NRXN2: variants seen among roughly 807,000 people sequenced by gnomAD.
The protein encoded by NRXN2 is neurexin 2.
In NRXN2, 29 loss-of-function variants were observed where a neutral mutation model predicts 128.8. That is an observed-to-expected ratio of 0.23 (90% CI 0.17 to 0.31). The LOEUF (loss-of-function observed/expected upper bound fraction) is 0.31. NRXN2 is among the 10% of genes least tolerant of loss of function. The probability of loss-of-function intolerance (pLI) is 1.00; values close to 1 mark genes in which losing one functional copy is unlikely to be tolerated. For synonymous variants in NRXN2, 1,098 were observed against 1,075.2 expected (o/e 1.02, Z -0.41); for missense variants, 1,881 against 2,452.6 (o/e 0.77, Z 4.92).
chr11:64,709,437 G>A (rs1672902703), intron 2 of NRXN2, among the ~76,000 whole-genome samples: 1 of 151,810 alleles, frequency 6.6e-6, no homozygotes, highest in African/African-American at 2.4e-5. Context: ...ATGAGCACAA[G>A]ATATTATAAA....
intron 7 of NRXN2, chr11:64,676,217 T>C (rs2051302045): frequency 6.6e-6 from 1 of 152,426 alleles, no homozygotes; most frequent in South Asian, 2.1e-4. Flanking sequence ...CTGGACGCTA[T>C]CCCTGGTCAG....
intron 22 of NRXN2, among the ~76,000 whole-genome samples, chr11:64,608,362 G>A (rs1182958575): frequency 6.6e-6 from 1 of 151,978 alleles, no homozygotes; most frequent in African/African-American, 2.4e-5. Context: ...AGAAAGGAAA[G>A]GAAATTGAAA....
chr11:64,654,138 C>A (rs547906063), intron 11 of NRXN2, among the ~76,000 whole-genome samples: 7 of 152,176 alleles, frequency 4.6e-5, no homozygotes, highest in Non-Finnish European at 1.0e-4. Context: ...AGAATCCCTG[C>A]ATCCCCTGCT....
At chr11:64,695,331 C>T (rs986436729) in intron 3 of NRXN2, among the ~76,000 whole-genome samples, 7 of 152,128 alleles carry the variant, frequency 4.6e-5, no homozygotes, top group African/African-American at 1.7e-4. Flanking sequence ...TCTCTTTGCC[C>T]TGCCACTAGA....
intron 11 of NRXN2, among the ~76,000 whole-genome samples, chr11:64,655,590 A>G (rs2048155177): frequency 2.0e-5 from 3 of 152,206 alleles, no homozygotes; most frequent in South Asian, 4.1e-4. Flanking sequence ...CAGGTCCCCT[A>G]CTGGGGAAAA....
chr11:64,608,274 G>A (rs1245950058), intron 22 of NRXN2, among the ~76,000 whole-genome samples, 192 bp from the exon 23 acceptor site: 2 of 152,148 alleles, frequency 1.3e-5, no homozygotes, highest in East Asian at 3.9e-4. Flanking sequence ...CGGCTCAGAT[G>A]CCCTGGGCAC....
At chr11:64,627,493 C>A (rs2043240491) in intron 19 of NRXN2, among the ~76,000 whole-genome samples, 1 of 152,038 alleles carries the variant, frequency 6.6e-6, no homozygotes, top group African/African-American at 2.4e-5. Flanking sequence ...TCATCTTGCT[C>A]ACCCTGCCAG....
At chr11:64,688,514 C>T (rs905940579) in intron 5 of NRXN2, 5 of 985,160 alleles carry the variant, frequency 5.1e-6, no homozygotes, top group African/African-American at 1.7e-5. Context: ...GTAGGGGCGG[C>T]GGAGGGGCTC....
At chr11:64,670,673 C>T (rs1261129353) in intron 7 of NRXN2, among the ~76,000 whole-genome samples, 1 of 152,188 alleles carries the variant, frequency 6.6e-6, no homozygotes, top group African/African-American at 2.4e-5. Flanking sequence ...CTAATCTGAA[C>T]ATAATCCAGG....
At chr11:64,712,634 C>A (rs2057042722) in intron 2 of NRXN2, 3 of 503,842 alleles carry the variant, frequency 6.0e-6, no homozygotes, top group African/African-American at 2.0e-5. Flanking sequence ...TTCACGAACG[C>A]CTCACAGACC....
In NRXN2 at chr11:64,714,921, C is replaced by A. The variant is rs1386858857; in HGVS notation, c.-244-978G>T. 2.0e-5 allele frequency among the ~76,000 whole-genome samples: 3 copies of A among 152,162 alleles called. No individual in the cohort carries two copies. Among genetic ancestry groups the A allele is most frequent in the Non-Finnish European group, 2.9e-5 (2 of 68,040 alleles). ...AGTCGTAATTATTTATATCCAACAACCCTCCTGAATATTGCATTGATTTTA... is the reference window on the plus strand; with the variant it reads ...AGTCGTAATTATTTATATCCAACAAACCTCCTGAATATTGCATTGATTTTA... On this transcript the variant is annotated intron_variant, in intron 1 of 22. Coordinates refer to ENST00000265459, the MANE Select transcript of NRXN2 (RefSeq NM_015080.4). This position sits in a 1 kb window ranked among gnomAD's most constrained non-coding sequence, Gnocchi z 4.5.
intron 20 of NRXN2, among the ~76,000 whole-genome samples, chr11:64,626,167 G>A (rs1288904641): frequency 2.0e-5 from 3 of 152,066 alleles, no homozygotes; most frequent in Non-Finnish European, 2.9e-5. Flanking sequence ...CTCACAGTGG[G>A]GAGCTCCCAT....
chr11:64,625,924 G>C (rs1273416834), intron 20 of NRXN2, among the ~76,000 whole-genome samples: 3 of 152,122 alleles, frequency 2.0e-5, no homozygotes, highest in African/African-American at 7.2e-5. Flanking sequence ...CACTCTCTTT[G>C]GGGGTCTTTC....
chr11:64,716,956 C>A (rs2057321230), intron 1 of NRXN2, among the ~76,000 whole-genome samples: 1 of 152,092 alleles, frequency 6.6e-6, no homozygotes, highest in African/African-American at 2.4e-5. Context: ...CTCTCCCACC[C>A]AGGCCAAGGC....
intron 9 of NRXN2, among the ~76,000 whole-genome samples, chr11:64,665,427 G>A (rs1371486151): frequency 6.6e-6 from 1 of 152,234 alleles, no homozygotes. Context: ...AAAGCACAGA[G>A]AAGTGGAAGC....
chr11:64,678,288 C>T (rs1209408867), intron 6 of NRXN2, among the ~76,000 whole-genome samples: 1 of 152,078 alleles, frequency 6.6e-6, no homozygotes, highest in Admixed American at 6.5e-5. Flanking sequence ...CACGTGTCCA[C>T]CTTGAATTTT....
chr11:64,680,756 G>A (rs1199046906), intron 6 of NRXN2, among the ~76,000 whole-genome samples: 1 of 152,162 alleles, frequency 6.6e-6, no homozygotes, highest in East Asian at 1.9e-4. Flanking sequence ...ATAAAGTCCT[G>A]AGGAAATTTA....
chr11:64,713,673 C>A lies in NRXN2; in HGVS notation c.27G>T (p.Pro9=). Residue 9 remains proline (P), a synonymous_variant, in exon 2 of 23, where the codon CCG becomes CCT. Coordinates refer to ENST00000265459, the MANE Select transcript of NRXN2 (RefSeq NM_015080.4). ...GCAGCAACAGCAGCGGCGGCGGTGT[C>A]GGCCGCCACCGGCTCCCGGACGCCA... is the stretch of plus-strand genomic sequence containing the variant. MASGSRWR[P]TPPPLLLLLL... 1.7e-6 allele frequency: 2 copies of A among 1,154,540 alleles called. No individual in the cohort carries two copies. The highest frequency in any genetic ancestry group is 7.8e-5 in the South Asian group (2 of 25,600). 71.5% of individuals were successfully genotyped at this position (1,154,540 alleles called of 1,614,324 possible).
intron 1 of NRXN2, among the ~76,000 whole-genome samples, chr11:64,721,371 C>T (rs918575510): frequency 3.3e-5 from 5 of 151,956 alleles, no homozygotes; most frequent in African/African-American, 9.7e-5. Flanking sequence ...AAAGAACTGC[C>T]CGGCAGCCGT....
Sources: gnomAD v4.1 joint callset for allele counts (sites outside exome capture counted in the v4.1 genomes callset) on GRCh38, gnomAD v4.1.1 for gene constraint, Gnocchi (gnomAD v3.1) non-coding constraint, MANE v1.5 for transcripts, NCBI Gene and HGNC (gene_info 2026-07-23, HGNC 2026-07-21) for gene names.